The following ERICH3 variants were observed in gnomAD, a reference collection of about 807,000 sequenced individuals.
The protein encoded by ERICH3 is glutamate rich 3.
In ERICH3, 126 loss-of-function variants were observed where a neutral mutation model predicts 131.1. The ratio of observed to expected loss-of-function variants is 0.96; its 90% confidence interval spans 0.83 to 1.11. ERICH3 has a LOEUF of 1.11. ERICH3 is among the 50% of genes most tolerant of loss of function. ERICH3 has a pLI of 0.00. For synonymous variants in ERICH3, 695 were observed against 644.6 expected, an observed-to-expected ratio of 1.08 and a Z score of -1.18; for missense variants, 2,050 against 1,810.7, an observed-to-expected ratio of 1.13 and a Z score of -2.40.
At chr1:74,588,788 A>G (rs1249376501) in intron 12 of ERICH3, among the ~76,000 whole-genome samples, 1 of 152,024 alleles carries the variant, frequency 6.6e-6, no homozygotes, top group Non-Finnish European at 1.5e-5. Flanking sequence ...TGAGAAAAGC[A>G]TCAGACCTTC....
Position 74,599,832 on chromosome 1 carries a change from G to A in ERICH3, c.1589C>T (p.Pro530Leu). The A allele has an allele frequency of 6.2e-7, 1 of 1,612,260 alleles. No individual in the cohort carries two copies. The highest frequency in any genetic ancestry group is 1.3e-5 in the African/African-American group (1 of 74,840). Residue 530 changes from proline to leucine, a missense_variant, in exon 11 of 15, where the codon CCT becomes CTT. Pro to Leu is a moderately conservative substitution (Grantham distance 98). Coordinates refer to ENST00000326665, the MANE Select transcript of ERICH3 (RefSeq NM_001002912.5). The part of the protein sequence containing the change: ...DVQMNGIPQS[P>L]LDDKKDNLDP... ...TAAATTATCTTTTTTATCATCCAAA[G>A]GTGACTGCGGTATTCCATTCATTTG...
rs141582385 is a variant in ERICH3 at position 74,607,260 on chromosome 1, G to A, written c.1188-358C>T. On this transcript the variant is annotated intron_variant, in intron 9 of 14. Coordinates refer to ENST00000326665, the MANE Select transcript of ERICH3 (RefSeq NM_001002912.5). ...TATCATAGATACAGAAATATAGGTG[G>A]GTATATAATTTTTCATACATAAAGA... is the stretch of plus-strand genomic sequence containing the variant. Among the ~76,000 whole-genome samples, 333 of 151,804 alleles carry A rather than the reference G, an allele frequency of 2.2e-3. 1 individual carries two copies. Among genetic ancestry groups the A allele is most frequent in the African/African-American group, 7.6e-3 (315 of 41,422 alleles).
chr1:74,658,299 A>G (rs1384979395), intron 1 of ERICH3, among the ~76,000 whole-genome samples: 1 of 152,174 alleles, frequency 6.6e-6, no homozygotes, highest in Non-Finnish European at 1.5e-5. Flanking sequence ...GCAATTCTCA[A>G]GATTTGTTCA....
At chr1:74,637,065 T>G (rs980140375) in intron 5 of ERICH3, among the ~76,000 whole-genome samples, 1 of 152,200 alleles carries the variant, frequency 6.6e-6, no homozygotes, top group African/African-American at 2.4e-5. Context: ...TGCTAGATAT[T>G]TTCCATTTGT....
chr1:74,574,464 C>T (rs895826770), intron 13 of ERICH3, among the ~76,000 whole-genome samples: 9 of 152,134 alleles, frequency 5.9e-5, no homozygotes, highest in African/African-American at 2.2e-4. Context: ...AGTAAAAAGT[C>T]TTACCTTGAG....
At position 74,571,227 on chromosome 1, in the gene ERICH3, C is replaced by T. The variant is rs751514632; in HGVS notation, c.4483G>A (p.Ala1495Thr). The T allele has an allele frequency of 1.2e-5, 19 of 1,614,082 alleles. No individual in the cohort carries two copies. Among genetic ancestry groups the T allele is most frequent in the Non-Finnish European group, 1.5e-5 (18 of 1,180,002 alleles). ...ELSPESLQAM[A>T]TLPVKPDFTE... ...AAATCAGGCTTCACTGGAAGTGTTGCCATCGCCTGTAGACTCTCCGGACTC... is the reference window on the plus strand; with the variant it reads ...AAATCAGGCTTCACTGGAAGTGTTGTCATCGCCTGTAGACTCTCCGGACTC... The change falls in exon 14 of 15, where the codon GCA becomes ACA. Residue 1495 changes from alanine to threonine, a missense_variant. Physicochemically the swap from Ala to Thr is moderately conservative, Grantham distance 58 (BLOSUM62 0). Transcript: ENST00000326665.
At position 74,571,993 on chromosome 1, in the gene ERICH3, C is replaced by T; in HGVS notation, c.3717G>A (p.Gln1239=). 1 of 1,614,102 alleles carries T rather than the reference C, an allele frequency of 6.2e-7. No individual in the cohort carries two copies. Among genetic ancestry groups the T allele is most frequent in the South Asian group, 1.1e-5 (1 of 91,080 alleles). The stretch of plus-strand genomic sequence containing the variant: ...GATCTTTGGCTGCTAGCTCCTCTGC[C>T]TGGCCTGTGGCTGGGATCAGCCCCT... ...APEGLIPATG[Q]AEELAAKDHD... The change falls in exon 14 of 15, where the codon CAG becomes CAA. Residue 1239 remains glutamine (Q), a synonymous_variant. Transcript: ENST00000326665.
Position 74,571,425 on chromosome 1 carries a change from C to T in ERICH3, c.4285G>A (p.Ala1429Thr). 1 of 1,613,996 alleles carries T rather than the reference C, an allele frequency of 6.2e-7. No individual in the cohort carries two copies. Among genetic ancestry groups the T allele is most frequent in the South Asian group, 1.1e-5 (1 of 91,070 alleles). The change falls in exon 14 of 15, where the codon GCT (alanine) becomes ACT (threonine). Residue 1429 changes from alanine to threonine, a missense_variant. Coordinates refer to ENST00000326665, the MANE Select transcript of ERICH3 (RefSeq NM_001002912.5). ...EEMTVTYTTE[A>T]GVGTPGALER... ...AGGGCTCCTGGAGTGCCCACCCCAG[C>T]CTCTGTTGTATATGTCACTGTCATC...
intron 1 of ERICH3, among the ~76,000 whole-genome samples, chr1:74,671,590 G>A (rs948588055): frequency 1.1e-4 from 16 of 152,104 alleles, no homozygotes; most frequent in Non-Finnish European, 1.8e-4. Flanking sequence ...TGAAATATTG[G>A]GGGCGGGTTC....
intron 1 of ERICH3, among the ~76,000 whole-genome samples, chr1:74,669,948 T>A (rs1299703455): frequency 2.0e-5 from 3 of 152,218 alleles, no homozygotes. Flanking sequence ...TACAAACTGC[T>A]TCAGTAATGA....
intron 10 of ERICH3, among the ~76,000 whole-genome samples, chr1:74,604,838 T>G (rs1328887136): frequency 6.6e-6 from 1 of 151,916 alleles, no homozygotes; most frequent in East Asian, 1.9e-4. Context: ...TTAAGGGCCC[T>G]AGGATTTTTT....
chr1:74,634,293 T>C (rs41337449), intron 6 of ERICH3, among the ~76,000 whole-genome samples: 2,178 of 152,240 alleles, frequency 0.014, 61 homozygotes, highest in African/African-American at 0.049. Flanking sequence ...TCTTGATGCC[T>C]AAAGCAGTAC....
chr1:74,614,071 G>A (rs1648828605), intron 8 of ERICH3, among the ~76,000 whole-genome samples: 1 of 152,080 alleles, frequency 6.6e-6, no homozygotes, highest in South Asian at 2.1e-4. Context: ...AGATTGCTGG[G>A]TTTTACCTCT....
At chr1:74,589,185 G>T (rs976850377) in intron 12 of ERICH3, 1 of 177,522 alleles carries the variant, frequency 5.6e-6, no homozygotes, top group African/African-American at 2.4e-5. Flanking sequence ...GACGTGATGA[G>T]TTAATATATC....
At chr1:74,582,671 C>T (rs1048463318) in intron 12 of ERICH3, among the ~76,000 whole-genome samples, 3 of 152,058 alleles carry the variant, frequency 2.0e-5, no homozygotes, top group Non-Finnish European at 2.9e-5. Flanking sequence ...CAGGCCATCA[C>T]AAGTGGGATG....
At chr1:74,579,375 A>T in intron 12 of ERICH3, 1 of 984,340 alleles carries the variant, frequency 1.0e-6, no homozygotes, top group Non-Finnish European at 1.2e-6. Flanking sequence ...GCCAAACAAT[A>T]CTAACATCAT....
chr1:74,608,352 T>G (rs1423724971), intron 9 of ERICH3, among the ~76,000 whole-genome samples: 1 of 151,960 alleles, frequency 6.6e-6, no homozygotes, highest in Non-Finnish European at 1.5e-5. Flanking sequence ...CACGTTCCCC[T>G]CTCTGCATGT....
chr1:74,619,918 G>T (rs1020466974), intron 8 of ERICH3, among the ~76,000 whole-genome samples: 4 of 152,050 alleles, frequency 2.6e-5, no homozygotes, highest in African/African-American at 4.8e-5. Flanking sequence ...TTTATTTTAA[G>T]TAATAGTCAC....
chr1:74,644,800 T>C (rs1395085789), intron 3 of ERICH3, among the ~76,000 whole-genome samples: 1 of 152,056 alleles, frequency 6.6e-6, no homozygotes, highest in African/African-American at 2.4e-5. Flanking sequence ...TTTAGCAACA[T>C]CATCTTTCTA....
Sources: gnomAD v4.1 joint callset for allele counts (sites outside exome capture counted in the v4.1 genomes callset) on GRCh38, gnomAD v4.1.1 for gene constraint, MANE v1.5 for transcripts, NCBI Gene and HGNC (gene_info 2026-07-23, HGNC 2026-07-21) for gene names.